The following DCC variants were observed in gnomAD, a reference collection of about 807,000 sequenced individuals.
DCC encodes DCC netrin 1 receptor.
DCC carries 58 observed loss-of-function variants against 172.5 expected under a neutral mutation model. That is an observed-to-expected ratio of 0.34 (90% CI 0.27 to 0.42). The LOEUF is 0.42. Among genes scored for constraint, DCC ranks in the 10% least tolerant of loss-of-function variants. DCC has a pLI of 1.00. For synonymous variants in DCC, 709 were observed against 644.5 expected (o/e 1.10, Z -1.52); for missense variants, 1,740 against 1,791.0 (o/e 0.97, Z 0.51).
chr18:52,353,882 A>G (rs1984242592), intron 1 of DCC, among the ~76,000 whole-genome samples: 2 of 152,166 alleles, frequency 1.3e-5, no homozygotes, highest in Non-Finnish European at 2.9e-5. Context: ...AGCTTTTGTG[A>G]AAGGTTATGT....
At chr18:52,826,213 C>A (rs1157388819) in intron 2 of DCC, among the ~76,000 whole-genome samples, 2 of 152,178 alleles carry the variant, frequency 1.3e-5, no homozygotes, top group Admixed American at 1.3e-4. Context: ...TCCCTCCATT[C>A]ATTCTGACAT....
At chr18:52,541,889 A>ATATATATATATATATATATATATATATG in intron 1 of DCC, among the ~76,000 whole-genome samples, 1 of 136,332 alleles carries the variant, frequency 7.3e-6, no homozygotes, top group South Asian at 2.4e-4. Context: ...ATATATATAT[A>ATATATATATATATATATATATATATATG]TATATATGTG....
chr18:53,282,574 C>A (rs549885825), intron 12 of DCC, among the ~76,000 whole-genome samples: 17 of 152,216 alleles, frequency 1.1e-4, no homozygotes, highest in Admixed American at 1.0e-3. Context: ...TATTTAATAT[C>A]TGGAGTTTAT....
chr18:52,943,701 T>A (rs12456218), intron 5 of DCC, among the ~76,000 whole-genome samples: 21,708 of 151,834 alleles, frequency 0.14, 1,822 homozygotes, highest in East Asian at 0.35. Context: ...GAGTTTATGT[T>A]GTAAATTGTA....
At chr18:53,203,736 A>G (rs1479895013) in intron 9 of DCC, among the ~76,000 whole-genome samples, 1 of 152,182 alleles carries the variant, frequency 6.6e-6, no homozygotes, top group Admixed American at 6.6e-5. Flanking sequence ...CAGGCCTACA[A>G]TGTATATCTG....
chr18:52,885,220 C>T (rs1414077927), intron 2 of DCC, among the ~76,000 whole-genome samples: 1 of 152,144 alleles, frequency 6.6e-6, no homozygotes, highest in East Asian at 1.9e-4. Flanking sequence ...GCAAGCCAGT[C>T]ATGTTTGTTC....
intron 1 of DCC, among the ~76,000 whole-genome samples, chr18:52,702,653 C>T (rs574470319): frequency 6.6e-6 from 1 of 152,238 alleles, no homozygotes; most frequent in African/African-American, 2.4e-5. Context: ...TAGTACAGAA[C>T]TGTTAGGACC....
At chr18:52,493,862 C>T (rs73957906) in intron 1 of DCC, among the ~76,000 whole-genome samples, 8,726 of 152,048 alleles carry the variant, frequency 0.057, 309 homozygotes, top group South Asian at 0.12. Context: ...GTGTTATGTA[C>T]TTTAATTCTA....
At chr18:52,513,975 T>C (rs1448506917) in intron 1 of DCC, among the ~76,000 whole-genome samples, 1 of 152,226 alleles carries the variant, frequency 6.6e-6, no homozygotes, top group Non-Finnish European at 1.5e-5. Flanking sequence ...TTCCTATTGC[T>C]TTATTTATTT....
intron 1 of DCC, among the ~76,000 whole-genome samples, chr18:52,574,468 A>G (rs947447231): frequency 4.6e-5 from 7 of 152,336 alleles, no homozygotes; most frequent in South Asian, 2.1e-4. Context: ...GAAGCATAAT[A>G]TTATAACCTT....
At chr18:52,668,097 A>C (rs1256625893) in intron 1 of DCC, among the ~76,000 whole-genome samples, 1 of 152,026 alleles carries the variant, frequency 6.6e-6, no homozygotes, top group Non-Finnish European at 1.5e-5. Context: ...GGAGGGAAGC[A>C]TGAGGTTGCC....
intron 12 of DCC, among the ~76,000 whole-genome samples, chr18:53,248,884 C>A (rs968457187): frequency 1.3e-5 from 2 of 151,940 alleles, no homozygotes; most frequent in African/African-American, 4.8e-5. Flanking sequence ...CTAAATAATT[C>A]AATTACATTG....
At chr18:52,969,514 C>T (rs1300571758) in intron 5 of DCC, among the ~76,000 whole-genome samples, 1 of 151,614 alleles carries the variant, frequency 6.6e-6, no homozygotes, top group African/African-American at 2.4e-5. Flanking sequence ...TCCCTAGAAC[C>T]TACTTAGTTG....
At chr18:53,093,837 C>A (rs113859523) in intron 7 of DCC, among the ~76,000 whole-genome samples, 1 of 152,260 alleles carries the variant, frequency 6.6e-6, no homozygotes. Flanking sequence ...TTGTATTCAG[C>A]GATAAACGCC....
intron 2 of DCC, among the ~76,000 whole-genome samples, chr18:52,871,941 A>G (rs556498397): frequency 1.1e-4 from 16 of 152,124 alleles, no homozygotes; most frequent in Non-Finnish European, 1.6e-4. Flanking sequence ...GTCTACTGGT[A>G]TGTCAAGTCC....
intron 5 of DCC, among the ~76,000 whole-genome samples, chr18:53,020,719 T>G (rs2143917168): frequency 6.6e-6 from 1 of 152,322 alleles, no homozygotes; most frequent in East Asian, 1.9e-4. Context: ...TCAACATATT[T>G]CCCATTTAGA....
intron 5 of DCC, among the ~76,000 whole-genome samples, chr18:52,938,959 A>G (rs1328754662): frequency 6.6e-6 from 1 of 151,628 alleles, no homozygotes; most frequent in Non-Finnish European, 1.5e-5. Context: ...TCTATAACCC[A>G]TTTTCATCCA....
At chr18:52,700,369 A>T (rs902960686) in intron 1 of DCC, among the ~76,000 whole-genome samples, 1 of 141,612 alleles carries the variant, frequency 7.1e-6, no homozygotes, top group Admixed American at 7.2e-5. Context: ...ACACACACAC[A>T]TGCACACACA....
intron 2 of DCC, among the ~76,000 whole-genome samples, chr18:52,835,487 A>C (rs1321738465): frequency 6.6e-6 from 1 of 152,194 alleles, no homozygotes; most frequent in Non-Finnish European, 1.5e-5. Context: ...AAAATGTTGA[A>C]GGAAATATGA....
Sources: allele counts gnomAD v4.1 joint callset (sites outside exome capture counted in the v4.1 genomes callset), GRCh38; gene constraint gnomAD v4.1.1; transcripts MANE v1.5; gene names NCBI Gene and HGNC (gene_info 2026-07-23, HGNC 2026-07-21).